The following ALCAM variants were observed in gnomAD, a reference collection of about 807,000 sequenced individuals.
ALCAM encodes CD166 antigen.
ALCAM carries 30 observed loss-of-function variants against 70.9 expected under a neutral mutation model. The ratio of observed to expected loss-of-function variants is 0.42; its 90% confidence interval spans 0.32 to 0.57. The LOEUF is 0.57. Among genes scored for constraint, ALCAM ranks in the 20% least tolerant of loss-of-function variants. The pLI is 0.11. For missense variants in ALCAM, 591 were observed against 695.1 expected (o/e 0.85, Z 1.68); for synonymous variants, 249 against 242.5 (o/e 1.03, Z -0.25).
chr3:105,387,444 T>C (rs1280162148), intron 1 of ALCAM, among the ~76,000 whole-genome samples: 1 of 151,614 alleles, frequency 6.6e-6, no homozygotes, highest in Non-Finnish European at 1.5e-5. Flanking sequence ...AAACATTGAT[T>C]CTCACAGCAG....
At chr3:105,482,004 G>A (rs939470200) in intron 1 of ALCAM, among the ~76,000 whole-genome samples, 6 of 148,932 alleles carry the variant, frequency 4.0e-5, no homozygotes, top group East Asian at 1.9e-4. Context: ...TTTCGTAGCC[G>A]TAGACTAATT....
chr3:105,423,037 AG>A (rs1031359586), intron 1 of ALCAM, among the ~76,000 whole-genome samples: 63 of 151,644 alleles, frequency 4.2e-4, no homozygotes, highest in African/African-American at 1.5e-3. Context: ...TAGCAGTGAA[AG>A]AAACAGCTGG....
rs540106496 is a variant in ALCAM, at chr3:105,381,709, A to G, written c.73+14228A>G. Among the ~76,000 whole-genome samples the G allele has an allele frequency of 3.9e-5, 6 of 151,958 alleles. No homozygotes were observed. The South Asian group carries it at 1.2e-3, about 31-fold the overall frequency. On this transcript the variant is annotated intron_variant, in intron 1 of 15. Coordinates refer to ENST00000306107, the MANE Select transcript of ALCAM (RefSeq NM_001627.4). ...GAGTATACAAGTGACTGTGCTCGAAAGACATTTATGTAGACTCTGTAGATT... is the reference window on the plus strand; with the variant it reads ...GAGTATACAAGTGACTGTGCTCGAAGGACATTTATGTAGACTCTGTAGATT...
At chr3:105,460,040 G>A (rs1293752919) in intron 1 of ALCAM, among the ~76,000 whole-genome samples, 5 of 152,030 alleles carry the variant, frequency 3.3e-5, no homozygotes, top group Non-Finnish European at 5.9e-5. Context: ...TAGGTGAGAG[G>A]AAGCAGAATC....
chr3:105,545,264 C>G lies in ALCAM; in HGVS notation c.1033C>G (p.Gln345Glu), dbSNP rs915677016. 5.6e-6 allele frequency: 9 copies of G among 1,609,306 alleles called. No homozygotes were observed. The highest frequency in any genetic ancestry group is 1.7e-5 in the Admixed American group (1 of 59,790). ...AAACCCAAGTGGAGAAGTGACTAGACAGATTGGTGATGCCCTACCCGTGTC... is the reference window on the plus strand; with the variant it reads ...AAACCCAAGTGGAGAAGTGACTAGAGAGATTGGTGATGCCCTACCCGTGTC... The part of the protein sequence containing the change: ...SLNPSGEVTR[Q>E]IGDALPVSCT... The change falls in exon 9 of 16, where the codon CAG becomes GAG. Residue 345 changes from glutamine to glutamate, a missense_variant. This residue lies in a region of ALCAM where 427 missense variants were observed against 450.4 expected (regional missense o/e 0.95). Coordinates refer to ENST00000306107, the MANE Select transcript of ALCAM (RefSeq NM_001627.4).
chr3:105,470,653 G>A (rs776771500), intron 1 of ALCAM, among the ~76,000 whole-genome samples: 15 of 151,138 alleles, frequency 9.9e-5, no homozygotes, highest in Non-Finnish European at 1.8e-4. Flanking sequence ...TTATTCACAA[G>A]AGAACCTTCT....
chr3:105,498,857 A>T (rs945647138), intron 1 of ALCAM, among the ~76,000 whole-genome samples: 5 of 152,208 alleles, frequency 3.3e-5, no homozygotes, highest in Admixed American at 6.5e-5. Context: ...GCAATATGAG[A>T]TATTGTACAA....
chr3:105,473,696 TAG>T (rs1413356322), intron 1 of ALCAM, among the ~76,000 whole-genome samples: 1 of 151,588 alleles, frequency 6.6e-6, no homozygotes, highest in Non-Finnish European at 1.5e-5. Flanking sequence ...GTTATATGCT[TAG>T]AGTTTCTCTC....
intron 1 of ALCAM, among the ~76,000 whole-genome samples, chr3:105,476,243 C>A (rs537696132): frequency 2.0e-5 from 3 of 152,204 alleles, no homozygotes; most frequent in Admixed American, 6.6e-5. Context: ...CATCTACCTA[C>A]ACTTCCAATG....
intron 3 of ALCAM, among the ~76,000 whole-genome samples, chr3:105,527,105 G>T (rs1180903515): frequency 6.6e-6 from 1 of 152,120 alleles, no homozygotes; most frequent in Non-Finnish European, 1.5e-5. Flanking sequence ...CAAATAAGTG[G>T]CATTCTTAGT....
chr3:105,384,272 A>C (rs1214622483), intron 1 of ALCAM, among the ~76,000 whole-genome samples: 1 of 151,648 alleles, frequency 6.6e-6, no homozygotes, highest in Non-Finnish European at 1.5e-5. Context: ...CTTTACTGAT[A>C]AAAACAGTGC....
At chr3:105,536,754 G>A (rs992096502) in intron 6 of ALCAM, among the ~76,000 whole-genome samples, 7 of 152,130 alleles carry the variant, frequency 4.6e-5, no homozygotes, top group African/African-American at 1.4e-4. Flanking sequence ...ACATCAGAAG[G>A]AAATTGCCAA....
At chr3:105,414,589 C>G (rs964218472) in intron 1 of ALCAM, among the ~76,000 whole-genome samples, 4 of 151,988 alleles carry the variant, frequency 2.6e-5, no homozygotes, top group Non-Finnish European at 4.4e-5. Context: ...ACAGCATGAA[C>G]AAAGAAAGAC....
intron 15 of ALCAM, among the ~76,000 whole-genome samples, 194 bp downstream of exon 15, chr3:105,572,158 T>A (rs1295194989): frequency 6.6e-6 from 1 of 152,174 alleles, no homozygotes; most frequent in African/African-American, 2.4e-5. Flanking sequence ...TACGCTGGTA[T>A]AAACGTGCCA....
intron 1 of ALCAM, among the ~76,000 whole-genome samples, chr3:105,422,722 T>A (rs1936699697): frequency 6.6e-6 from 1 of 151,480 alleles, no homozygotes; most frequent in Admixed American, 6.6e-5. Flanking sequence ...CAACTTGTGT[T>A]CAAGCCACTG....
chr3:105,474,213 T>G (rs539698274), intron 1 of ALCAM, among the ~76,000 whole-genome samples: 1 of 151,906 alleles, frequency 6.6e-6, no homozygotes, highest in Admixed American at 6.6e-5. Flanking sequence ...ATTTTGATGC[T>G]GTTCTGTTAC....
chr3:105,417,206 C>T (rs1290465579), intron 1 of ALCAM, among the ~76,000 whole-genome samples: 1 of 151,810 alleles, frequency 6.6e-6, no homozygotes, highest in African/African-American at 2.4e-5. Context: ...GGTAAACTTA[C>T]TCTTCAAGTC....
chr3:105,526,920 G>A (rs186799179), intron 3 of ALCAM, among the ~76,000 whole-genome samples: 3 of 152,292 alleles, frequency 2.0e-5, no homozygotes, highest in African/African-American at 4.8e-5. Flanking sequence ...GTTAATGGGA[G>A]CCAGTCTCAG....
At chr3:105,528,096 C>T (rs924959961) in intron 3 of ALCAM, among the ~76,000 whole-genome samples, 4 of 152,118 alleles carry the variant, frequency 2.6e-5, no homozygotes, top group African/African-American at 4.8e-5. Flanking sequence ...TGAGTCAACA[C>T]GACCATTTGC....
Sources: gnomAD v4.1 joint callset for allele counts (sites outside exome capture counted in the v4.1 genomes callset) on GRCh38, gnomAD v4.1.1 for gene constraint, gnomAD v4.1.1 regional missense constraint, MANE v1.5 for transcripts, NCBI Gene and HGNC (gene_info 2026-07-23, HGNC 2026-07-21) for gene names.